TRAPPC13: variants seen among roughly 807,000 people sequenced by gnomAD.
TRAPPC13 encodes the protein REV7-interacting novel NHEJ regulator 1.
In TRAPPC13, 39 loss-of-function variants were observed where a neutral mutation model predicts 54.0. The observed-to-expected ratio is 0.72, with a 90% CI of 0.56 to 0.94. TRAPPC13 has a LOEUF of 0.94. Ranked by LOEUF, TRAPPC13 falls within the 40% of genes least tolerant of loss-of-function variation. TRAPPC13 has a pLI of 0.00. For synonymous variants in TRAPPC13, 148 were observed against 167.7 expected (o/e 0.88, Z 0.91); for missense variants, 386 against 488.1 (o/e 0.79, Z 1.97).
In TRAPPC13 at chr5:65,658,490, A is replaced by T; in HGVS notation, c.687A>T (p.Gln229His). The T allele has an allele frequency of 6.4e-7, 1 of 1,567,246 alleles. No homozygotes were observed. Among genetic ancestry groups the T allele is most frequent in the Non-Finnish European group, 8.7e-7 (1 of 1,154,614 alleles). ...YNVTELNSVS[Q>H]AGECVSTFGS... The stretch of plus-strand genomic sequence containing the variant: ...TAACAGAATTAAATTCAGTCAGCCA[A>T]GCTGGAGAATGGTAAATATTAATTT... The change falls in exon 9 of 13, where the codon CAA (glutamine) becomes CAT (histidine). Residue 229 changes from glutamine (Q) to histidine (H), a missense_variant. By Grantham distance (24) the Gln-to-His change is conservative. Transcript: ENST00000399438.
intron 3 of TRAPPC13, among the ~76,000 whole-genome samples, chr5:65,636,562 A>G (rs769699361): frequency 2.0e-5 from 3 of 152,190 alleles, no homozygotes; most frequent in Admixed American, 6.5e-5. Flanking sequence ...TCCTAGCATA[A>G]TAGAATTTTA....
At chr5:65,630,649 A>AT in intron 1 of TRAPPC13, 1 of 1,020,666 alleles carries the variant, frequency 9.8e-7, no homozygotes, top group Non-Finnish European at 1.2e-6. Flanking sequence ...ATTTTACTGT[A>AT]TTTTTTTCCT....
chr5:65,652,672 C>A lies in TRAPPC13; in HGVS notation c.546+127C>A, dbSNP rs761863363. 6.6e-6 allele frequency: 5 copies of A among 758,170 alleles called. No homozygotes were observed. In the East Asian group the frequency reaches 1.3e-4, roughly 20 times the overall value. The allele number at this position is 758,170 out of a possible 1,614,324, so 47.0% of individuals were successfully genotyped here. On this transcript the variant is annotated intron_variant, in intron 7 of 12. Transcript: ENST00000399438. ...GTGACTGTAAATTATTTGAAAAAAT[C>A]ACAAATTTCAGTTAAAATTGAATAA...
At chr5:65,640,806 C>G (rs1755935420) in intron 4 of TRAPPC13, among the ~76,000 whole-genome samples, 3 of 152,152 alleles carry the variant, frequency 2.0e-5, no homozygotes. Flanking sequence ...TGTTCTAAAA[C>G]ATGATTTTAT....
chr5:65,625,175 C>T (rs1755150183), intron 1 of TRAPPC13, 69 bp downstream of exon 1: 2 of 1,303,252 alleles, frequency 1.5e-6, no homozygotes, highest in East Asian at 2.3e-5. Context: ...AAGCCTTTGC[C>T]ATGTAGGCCT....
intron 4 of TRAPPC13, among the ~76,000 whole-genome samples, chr5:65,642,925 G>A (rs1756025045): frequency 6.6e-6 from 1 of 152,206 alleles, no homozygotes; most frequent in South Asian, 2.1e-4. Flanking sequence ...GATGGTGGAA[G>A]AAAGAGCTGA....
At chr5:65,660,619 C>T in intron 9 of TRAPPC13, 80 bp from the exon 10 acceptor site, 3 of 1,198,812 alleles carry the variant, frequency 2.5e-6, no homozygotes, top group Admixed American at 3.1e-5. Flanking sequence ...AGTTCCTATC[C>T]AAAGGAACAA....
intron 1 of TRAPPC13, chr5:65,635,069 A>T (rs1755698257): frequency 3.7e-6 from 2 of 536,006 alleles, no homozygotes; most frequent in Non-Finnish European, 4.8e-6. Flanking sequence ...ATTTACATTT[A>T]ATTTTTATAA....
chr5:65,634,381 A>T (rs1489657398), intron 1 of TRAPPC13, among the ~76,000 whole-genome samples: 1 of 152,176 alleles, frequency 6.6e-6, no homozygotes, highest in Non-Finnish European at 1.5e-5. Flanking sequence ...TTAGTTGATT[A>T]TGGACTTAAA....
intron 4 of TRAPPC13, among the ~76,000 whole-genome samples, 197 bp from the exon 5 acceptor site, chr5:65,646,858 G>A (rs1410408518): frequency 6.6e-6 from 1 of 151,112 alleles, no homozygotes; most frequent in Non-Finnish European, 1.5e-5. Flanking sequence ...TATTTTTTTG[G>A]GGTTGGGGGG....
chr5:65,646,604 A>G (rs576219535), intron 4 of TRAPPC13, among the ~76,000 whole-genome samples: 15 of 152,158 alleles, frequency 9.9e-5, no homozygotes, highest in African/African-American at 3.4e-4. Context: ...GTCCTAGTAT[A>G]CACATAAAAT....
intron 4 of TRAPPC13, among the ~76,000 whole-genome samples, chr5:65,642,381 T>C (rs1756003306): frequency 6.6e-6 from 1 of 152,150 alleles, no homozygotes; most frequent in East Asian, 1.9e-4. Context: ...TTAGGTTTGG[T>C]TTTTTTCTTG....
In TRAPPC13 at chr5:65,635,907, G is replaced by A. The variant is rs1003255639; in HGVS notation, c.116-37G>A. The A allele has an allele frequency of 6.1e-6, 8 of 1,302,274 alleles. No homozygotes were observed. The African/African-American group carries it at 7.5e-5, about 12-fold the overall frequency. The allele number at this position is 1,302,274 out of a possible 1,614,324, so 80.7% of individuals were successfully genotyped here. On this transcript the variant is annotated intron_variant, in intron 2 of 12. Transcript: ENST00000399438. ...TATATAAGTAAAAGTTATTTAAAGG[G>A]TAGATGTTAGAATTTTATGTTTTTC...
At chr5:65,629,193 A>G (rs140485312) in intron 1 of TRAPPC13, among the ~76,000 whole-genome samples, 123 of 152,322 alleles carry the variant, frequency 8.1e-4, no homozygotes, top group African/African-American at 2.9e-3. Flanking sequence ...ATTAATATCG[A>G]TACTTCCAAG....
intron 6 of TRAPPC13, among the ~76,000 whole-genome samples, chr5:65,651,847 T>G (rs75419183): frequency 0.027 from 638 of 23,410 alleles, 2 homozygotes; most frequent in African/African-American, 0.12. Context: ...ATTCAGTTTT[T>G]TTTTTTTTTT....
chr5:65,657,117 C>G (rs1278202199), intron 8 of TRAPPC13, among the ~76,000 whole-genome samples: 1 of 151,906 alleles, frequency 6.6e-6, no homozygotes, highest in African/African-American at 2.4e-5. Flanking sequence ...CACAGTGGCT[C>G]ACACCTCTAA....
At chr5:65,633,658 T>C (rs1755631527) in intron 1 of TRAPPC13, among the ~76,000 whole-genome samples, 1 of 152,144 alleles carries the variant, frequency 6.6e-6, no homozygotes, top group Admixed American at 6.5e-5. Flanking sequence ...TTTAATTTTA[T>C]GTTTTTGTTT....
Position 65,637,696 on chromosome 5 carries a change from G to A in TRAPPC13, c.216G>A (p.Gly72=). ...GEMLTLPQNF[G]NIFLGETFSS... ...CCTAAATACTTATTTTATTTTACAGGAATATATTTTTGGGAGAGACCTTTT... is the reference window on the plus strand; with the variant it reads ...CCTAAATACTTATTTTATTTTACAGAAATATATTTTTGGGAGAGACCTTTT... The change falls in exon 4 of 13, where the codon GGG becomes GGA. Residue 72 remains glycine (G), a splice_region_variant and synonymous_variant. Transcript: ENST00000399438. The A allele has an allele frequency of 6.6e-7, 1 of 1,518,526 alleles. No homozygotes were observed. Among genetic ancestry groups the A allele is most frequent in the Non-Finnish European group, 9.0e-7 (1 of 1,114,550 alleles). The allele number at this position is 1,518,526 out of a possible 1,614,324, so 94.1% of individuals were successfully genotyped here. A position where few individuals can be genotyped will look rare whatever the true frequency, so the allele number is the denominator to read the frequency against.
At chr5:65,633,808 A>G (rs1313004148) in intron 1 of TRAPPC13, among the ~76,000 whole-genome samples, 1 of 151,650 alleles carries the variant, frequency 6.6e-6, no homozygotes, top group Non-Finnish European at 1.5e-5. Flanking sequence ...ATTTTTGTCT[A>G]TTTATATTTA....
Sources: allele counts gnomAD v4.1 joint callset (sites outside exome capture counted in the v4.1 genomes callset), GRCh38; gene constraint gnomAD v4.1.1; transcripts MANE v1.5; gene names NCBI Gene and HGNC (gene_info 2026-07-23, HGNC 2026-07-21).